The following DEGS1 variants were observed in gnomAD, a reference collection of about 807,000 sequenced individuals.
DEGS1 encodes the protein sphingolipid delta(4)-desaturase DES1.
Under a neutral mutation model 24.1 loss-of-function variants are expected in DEGS1, and 17 were observed. That is an observed-to-expected ratio of 0.70 (90% CI 0.48 to 1.06). DEGS1 has a LOEUF of 1.06. Among genes scored for constraint, DEGS1 ranks in the 50% least tolerant of loss-of-function variants. The pLI is 0.00. For synonymous variants in DEGS1, 134 were observed against 140.0 expected, an observed-to-expected ratio of 0.96 and a Z score of 0.30; for missense variants, 366 against 408.9, an observed-to-expected ratio of 0.90 and a Z score of 0.91.
At chr1:224,191,294 G>T (rs1658529300) in intron 2 of DEGS1, 1 of 151,808 alleles carries the variant, frequency 6.6e-6, no homozygotes, top group African/African-American at 2.4e-5. Context: ...GGAGGCTGAG[G>T]CGGGAGAATC....
chr1:224,183,251 CG>C lies in DEGS1; in HGVS notation c.-82del. 7.9e-7 allele frequency: 1 copy of C among 1,266,872 alleles called. No homozygotes were observed. Among genetic ancestry groups the C allele is most frequent in the South Asian group, 1.6e-5 (1 of 64,278 alleles). The allele number at this position is 1,266,872 out of a possible 1,614,324, so 78.5% of individuals were successfully genotyped here. On this transcript the variant is annotated 5_prime_UTR_variant, in exon 1 of 3. Coordinates refer to ENST00000323699, the MANE Select transcript of DEGS1 (RefSeq NM_003676.4). ...CACAGCCGGCCGACACCACACCAGC[CG>C]GGGAGCCGCCGCCGCCGCCGCCACC...
Position 224,192,383 on chromosome 1 carries a change from T to G in DEGS1, c.877T>G (p.Trp293Gly). The change falls in exon 3 of 3, where the codon TGG (tryptophan) becomes GGG (glycine). Residue 293 changes from tryptophan to glycine, a missense_variant. Coordinates refer to ENST00000323699, the MANE Select transcript of DEGS1 (RefSeq NM_003676.4). ...YYDNLPHYNS[W>G]IKVLYDFVMD... ...TGACAACCTCCCTCACTACAATTCCTGGATAAAAGTACTGTATGATTTTGT... is the reference window on the plus strand; with the variant it reads ...TGACAACCTCCCTCACTACAATTCCGGGATAAAAGTACTGTATGATTTTGT... 6.2e-7 allele frequency: 1 copy of G among 1,613,728 alleles called. No individual in the cohort carries two copies. Among genetic ancestry groups the G allele is most frequent in the East Asian group, 2.2e-5 (1 of 44,864 alleles).
At position 224,192,960 on chromosome 1, in the gene DEGS1, G is replaced by A. The variant is rs1335961367; in HGVS notation, c.*482G>A. The A allele has an allele frequency of 1.3e-5, 2 of 155,832 alleles. No homozygotes were observed. Among genetic ancestry groups the A allele is most frequent in the African/African-American group, 4.8e-5 (2 of 41,588 alleles). 9.7% of individuals were successfully genotyped at this position (155,832 alleles called of 1,614,324 possible). On this transcript the variant is annotated 3_prime_UTR_variant, in exon 3 of 3. Transcript: ENST00000323699. ...TCCCAGCTACATGGGAGGCTGAGGT[G>A]GGAGAATTGCTTGAACCCAGGAGGC...
In DEGS1 at chr1:224,183,310, G is replaced by A; in HGVS notation, c.-27G>A. On this transcript the variant is annotated 5_prime_UTR_variant, in exon 1 of 3. Transcript: ENST00000323699. Reference sequence around the variant, plus strand: ...AGCCGGCTGGGAGCGAGAGCCGACAGCTAGTCTGCAAGCCACCGCTGTCGC... The same window carrying A: ...AGCCGGCTGGGAGCGAGAGCCGACAACTAGTCTGCAAGCCACCGCTGTCGC... The A allele has an allele frequency of 6.8e-7, 1 of 1,477,424 alleles. No individual in the cohort carries two copies. Among genetic ancestry groups the A allele is most frequent in the Admixed American group, 2.4e-5 (1 of 41,014 alleles). The allele number at this position is 1,477,424 out of a possible 1,614,324, so 91.5% of individuals were successfully genotyped here.
chr1:224,187,867 A>G (rs1658435398), intron 1 of DEGS1, among the ~76,000 whole-genome samples: 1 of 152,120 alleles, frequency 6.6e-6, no homozygotes, highest in South Asian at 2.1e-4. Context: ...TTTGTGGCCT[A>G]TAGATTTGCT....
intron 1 of DEGS1, among the ~76,000 whole-genome samples, chr1:224,186,629 C>T (rs951536593): frequency 4.8e-5 from 7 of 145,776 alleles, no homozygotes; most frequent in African/African-American, 1.8e-4. Flanking sequence ...AGGAGAATGG[C>T]GTGAACCCGG....
Position 224,189,592 on chromosome 1 carries a change from T to TAA in DEGS1, c.100_101dup (p.Leu36ProfsTer2). On this transcript the variant is annotated frameshift_variant, in exon 2 of 3. Coordinates refer to ENST00000323699, the MANE Select transcript of DEGS1 (RefSeq NM_003676.4). LOFTEE classifies it high-confidence loss of function. ...TTCTTTACAGCAAAGTATCCAGAGA[T>TAA]AAAGTCCTTGATGAAACCTGATCCC... is the stretch of plus-strand genomic sequence containing the variant. 6.3e-7 allele frequency: 1 copy of TAA among 1,597,666 alleles called. No individual in the cohort carries two copies. Among genetic ancestry groups the TAA allele is most frequent in the Non-Finnish European group, 8.5e-7 (1 of 1,173,058 alleles).
At chr1:224,187,599 T>C (rs1212066210) in intron 1 of DEGS1, among the ~76,000 whole-genome samples, 1 of 152,114 alleles carries the variant, frequency 6.6e-6, no homozygotes, top group African/African-American at 2.4e-5. Context: ...AGGCAGTCTT[T>C]GTGCCTCAGC....
At chr1:224,183,596 G>T in intron 1 of DEGS1, 178 bp downstream of exon 1, 2 of 402,498 alleles carry the variant, frequency 5.0e-6, no homozygotes, top group Non-Finnish European at 8.2e-6. Context: ...GAGAGGCTGG[G>T]CGAGGAGCGG....
chr1:224,184,489 T>G (rs993024127), intron 1 of DEGS1, among the ~76,000 whole-genome samples: 34 of 139,194 alleles, frequency 2.4e-4, no homozygotes, highest in Non-Finnish European at 4.4e-4. Flanking sequence ...TTTTTGAGAC[T>G]GCACGTGTTT....
chr1:224,189,739 A>T lies in DEGS1; in HGVS notation c.245A>T (p.His82Leu). The part of the protein sequence containing the change: ...GAYAFGSCIN[H>L]SMTLAIHEIA... ...TATGCGTTTGGCAGTTGCATTAACC[A>T]CTCAATGACTCTGGCTATTCATGAG... is the stretch of plus-strand genomic sequence containing the variant. The change falls in exon 2 of 3, where the codon CAC becomes CTC. Residue 82 changes from histidine (H) to leucine (L), a missense_variant. His to Leu is a moderately conservative substitution (Grantham distance 99). Coordinates refer to ENST00000323699, the MANE Select transcript of DEGS1 (RefSeq NM_003676.4). The T allele has an allele frequency of 6.2e-7, 1 of 1,614,142 alleles. No homozygotes were observed. The highest frequency in any genetic ancestry group is 8.5e-7 in the Non-Finnish European group (1 of 1,180,030).
rs753256626 is a variant in DEGS1, at chr1:224,189,892, G to A, written c.398G>A (p.Arg133Gln). The change falls in exon 2 of 3, where the codon CGG becomes CAG. Residue 133 changes from arginine to glutamine, a missense_variant. By Grantham distance (43) the Arg-to-Gln change is conservative. Coordinates refer to ENST00000323699, the MANE Select transcript of DEGS1 (RefSeq NM_003676.4). ...AAGAGGTATCACATGGATCATCATCGGTACCTTGGAGCTGATGGCGTCGAT... is the reference window on the plus strand; with the variant it reads ...AAGAGGTATCACATGGATCATCATCAGTACCTTGGAGCTGATGGCGTCGAT... Reference protein sequence around the residue: ...SFKRYHMDHHRYLGADGVDVD... With the variant: ...SFKRYHMDHHQYLGADGVDVD... 8 of 1,614,120 alleles carry A rather than the reference G, an allele frequency of 5.0e-6. 1 individual carries two copies. Among genetic ancestry groups the A allele is most frequent in the South Asian group, 4.4e-5 (4 of 91,078 alleles).
At chr1:224,184,494 G>T (rs1414138485) in intron 1 of DEGS1, among the ~76,000 whole-genome samples, 1 of 141,080 alleles carries the variant, frequency 7.1e-6, no homozygotes, top group Non-Finnish European at 1.6e-5. Flanking sequence ...GAGACTGCAC[G>T]TGTTTGTTTT....
chr1:224,184,705 G>A lies in DEGS1; in HGVS notation c.82+1287G>A, dbSNP rs557421938. 5.9e-5 allele frequency among the ~76,000 whole-genome samples: 9 copies of A among 152,138 alleles called. No individual in the cohort carries two copies. In the South Asian group the frequency reaches 1.9e-3, roughly 32 times the overall value. On this transcript the variant is annotated intron_variant, in intron 1 of 2. Transcript: ENST00000323699. ...GTTTGTATCTTTTTTAGTTAGAGACGGGGTTTCACCATGTTGGCCAGGCTT... is the reference window on the plus strand; with the variant it reads ...GTTTGTATCTTTTTTAGTTAGAGACAGGGTTTCACCATGTTGGCCAGGCTT...
chr1:224,190,439 C>A lies in DEGS1; in HGVS notation c.825+120C>A, dbSNP rs576219918. 136 of 818,868 alleles carry A rather than the reference C, an allele frequency of 1.7e-4. No individual in the cohort carries two copies. In the African/African-American group the frequency reaches 2.3e-3, roughly 14 times the overall value. 50.7% of individuals were successfully genotyped at this position (818,868 alleles called of 1,614,324 possible). A position where few individuals can be genotyped will look rare whatever the true frequency, so the allele number is the denominator to read the frequency against. On this transcript the variant is annotated intron_variant, in intron 2 of 2. Transcript: ENST00000323699. ...GTGGCACGATCTCGGCTCACTGTAA[C>A]CTCCACCTCCCGGGTTCAAACGATT...
chr1:224,189,089 C>T (rs750004564), intron 1 of DEGS1, among the ~76,000 whole-genome samples: 8 of 152,026 alleles, frequency 5.3e-5, no homozygotes, highest in Non-Finnish European at 8.8e-5. Context: ...TATTGGTAGC[C>T]TGTAGTATTG....
At position 224,189,941 on chromosome 1, in the gene DEGS1, G is replaced by A; in HGVS notation, c.447G>A (p.Glu149=). 1 of 1,614,126 alleles carries A rather than the reference G, an allele frequency of 6.2e-7. No homozygotes were observed. The highest frequency in any genetic ancestry group is 2.2e-5 in the East Asian group (1 of 44,886). ...GVDVDIPTDF[E]GWFFCTAFRK... is the part of the protein sequence containing the mutation. ...ATGTAGATATTCCTACCGATTTTGA[G>A]GGCTGGTTCTTCTGTACCGCTTTCA... Residue 149 remains glutamate, a synonymous_variant, in exon 2 of 3, where the codon GAG becomes GAA. Coordinates refer to ENST00000323699, the MANE Select transcript of DEGS1 (RefSeq NM_003676.4).
intron 1 of DEGS1, among the ~76,000 whole-genome samples, chr1:224,186,561 A>C (rs893270270): frequency 6.6e-6 from 1 of 151,916 alleles, no homozygotes; most frequent in African/African-American, 2.4e-5. Flanking sequence ...AAAATACAAA[A>C]AATTAGCCGG....
intron 1 of DEGS1, among the ~76,000 whole-genome samples, chr1:224,188,667 C>A (rs1044384393): frequency 6.6e-6 from 1 of 152,146 alleles, no homozygotes; most frequent in Non-Finnish European, 1.5e-5. Flanking sequence ...GGTTCAGATC[C>A]TTTGCCCATT....
Sources: gnomAD v4.1 joint callset for allele counts (sites outside exome capture counted in the v4.1 genomes callset) on GRCh38, gnomAD v4.1.1 for gene constraint, MANE v1.5 for transcripts, NCBI Gene and HGNC (gene_info 2026-07-23, HGNC 2026-07-21) for gene names.